LRIG3: variants seen among roughly 807,000 people sequenced by gnomAD.
LRIG3 encodes the protein leucine-rich repeats and immunoglobulin-like domains protein 3.
In LRIG3, 76 loss-of-function variants were observed where a neutral mutation model predicts 114.5. The ratio of observed to expected loss-of-function variants is 0.66; its 90% CI spans 0.55 to 0.80. The LOEUF (loss-of-function observed/expected upper bound fraction) is 0.80. Ranked by LOEUF, LRIG3 falls within the 30% of genes least tolerant of loss-of-function variation. LRIG3 has a pLI of 0.00. For missense variants in LRIG3, 1,239 were observed against 1,382.8 expected (o/e 0.90, Z 1.65); for synonymous variants, 512 against 519.8 (o/e 0.98, Z 0.20).
intron 3 of LRIG3, among the ~76,000 whole-genome samples, chr12:58,894,582 G>C (rs1161031879): frequency 6.6e-6 from 1 of 150,398 alleles, no homozygotes; most frequent in Non-Finnish European, 1.5e-5. Context: ...CCCACTTCTA[G>C]TAGACAGAGA....
chr12:58,920,391 C>A lies in LRIG3; in HGVS notation c.-156G>T, dbSNP rs1434126851. 6 of 494,796 alleles carry A rather than the reference C, an allele frequency of 1.2e-5. No individual in the cohort carries two copies. Among genetic ancestry groups the A allele is most frequent in the Non-Finnish European group, 2.0e-5 (6 of 305,896 alleles). 30.7% of individuals were successfully genotyped at this position (494,796 alleles called of 1,614,324 possible). Reference sequence around the variant, plus strand: ...GGTCAATTCCTTCTTTTACTCCCGGCGGCGAAGCCCTTTCATGCCCCCAAA... The same window carrying A: ...GGTCAATTCCTTCTTTTACTCCCGGAGGCGAAGCCCTTTCATGCCCCCAAA... On this transcript the variant is annotated 5_prime_UTR_variant, in exon 1 of 19. Transcript: ENST00000320743.
At chr12:58,885,118 T>C (rs1189955895) in intron 10 of LRIG3, among the ~76,000 whole-genome samples, 4 of 152,112 alleles carry the variant, frequency 2.6e-5, no homozygotes, top group Non-Finnish European at 5.9e-5. Flanking sequence ...CAAGAGCTAG[T>C]GTGATGCAGG....
intron 1 of LRIG3, among the ~76,000 whole-genome samples, chr12:58,914,872 A>G (rs1275088538): frequency 2.6e-5 from 4 of 152,382 alleles, no homozygotes; most frequent in African/African-American, 7.2e-5. Context: ...GAGAGGGTAG[A>G]AAACAATCTG....
At chr12:58,903,970 C>T (rs1275401565) in intron 3 of LRIG3, among the ~76,000 whole-genome samples, 1 of 152,016 alleles carries the variant, frequency 6.6e-6, no homozygotes, top group Non-Finnish European at 1.5e-5. Context: ...TGACTGTAGC[C>T]TTGTAGTATA....
chr12:58,914,006 G>T lies in LRIG3; in HGVS notation c.359C>A (p.Ser120Ter). 1 of 1,612,062 alleles carries T rather than the reference G, an allele frequency of 6.2e-7. No individual in the cohort carries two copies. Among genetic ancestry groups the T allele is most frequent in the Non-Finnish European group, 8.5e-7 (1 of 1,179,602 alleles). The change falls in exon 3 of 19, where the codon TCG (serine) becomes TAG (stop). Residue 120 changes from serine (S) to a stop codon, truncating the protein, a stop_gained. Coordinates refer to ENST00000320743, the MANE Select transcript of LRIG3 (RefSeq NM_153377.5). LOFTEE classifies it high-confidence loss of function. ...LETIPNLGPV[S>*]ANITLLSLAG... ...CAAGGAGAGAAGTGTAATATTTGCC[G>T]AGACTGGTCCCAGATTTGGAATGGT...
At chr12:58,885,281 A>G (rs146546214) in intron 10 of LRIG3, among the ~76,000 whole-genome samples, 1 of 152,298 alleles carries the variant, frequency 6.6e-6, no homozygotes, top group East Asian at 1.9e-4. Flanking sequence ...TAAGAGACCA[A>G]CAATTCTCAA....
chr12:58,882,270 C>T (rs754832602), intron 12 of LRIG3, among the ~76,000 whole-genome samples: 7 of 152,184 alleles, frequency 4.6e-5, no homozygotes, highest in Non-Finnish European at 7.4e-5. Flanking sequence ...CAGAAAGTTA[C>T]ACCAGAGATG....
Position 58,880,875 on chromosome 12 carries a change from C to A in LRIG3, c.1507G>T (p.Val503Phe). The change falls in exon 13 of 19, where the codon GTT (valine) becomes TTT (phenylalanine). Residue 503 changes from valine (V) to phenylalanine (F), a missense_variant. Physicochemically the swap from Val to Phe is conservative, Grantham distance 50 (BLOSUM62 -1). Coordinates refer to ENST00000320743, the MANE Select transcript of LRIG3 (RefSeq NM_153377.5). ...CDDFPKPQIT[V>F]QPETQSAIKG... Reference sequence around the variant, plus strand: ...ATTGCCGACTGTGTTTCTGGCTGAACCGTGATCTGGGGTTTGGGAAAATCA... The same window carrying A: ...ATTGCCGACTGTGTTTCTGGCTGAAACGTGATCTGGGGTTTGGGAAAATCA... 1 of 1,613,224 alleles carries A rather than the reference C, an allele frequency of 6.2e-7. No individual in the cohort carries two copies. The highest frequency in any genetic ancestry group is 8.5e-7 in the Non-Finnish European group (1 of 1,179,232).
At chr12:58,913,404 G>A (rs1872355502) in intron 3 of LRIG3, 1 of 152,108 alleles carries the variant, frequency 6.6e-6, no homozygotes, top group Non-Finnish European at 1.5e-5. Context: ...CAGAAAACTT[G>A]GTACAACCTT....
At chr12:58,896,775 T>C (rs1228167547) in intron 3 of LRIG3, among the ~76,000 whole-genome samples, 1 of 152,228 alleles carries the variant, frequency 6.6e-6, no homozygotes, top group African/African-American at 2.4e-5. Context: ...GAATCTGTGG[T>C]CATTCCATAC....
chr12:58,885,237 AGG>A (rs901654949), intron 10 of LRIG3, among the ~76,000 whole-genome samples: 1 of 152,124 alleles, frequency 6.6e-6, no homozygotes, highest in South Asian at 2.1e-4. Flanking sequence ...AACAATGGTA[AGG>A]GGGGGTTGTA....
chr12:58,919,816 T>C (rs1376677245), intron 1 of LRIG3, among the ~76,000 whole-genome samples, 184 bp downstream of exon 1: 4 of 152,194 alleles, frequency 2.6e-5, no homozygotes, highest in African/African-American at 9.6e-5. Context: ...GCAAAGCACG[T>C]GGGAGGGAAA....
At chr12:58,890,184 A>C in intron 4 of LRIG3, 45 bp from the exon 5 acceptor site, 1 of 1,601,696 alleles carries the variant, frequency 6.2e-7, no homozygotes, top group Non-Finnish European at 8.5e-7. Flanking sequence ...ATTTATTTGC[A>C]AGTTAAAGTG....
At chr12:58,912,707 A>C (rs921838870) in intron 3 of LRIG3, among the ~76,000 whole-genome samples, 3 of 152,194 alleles carry the variant, frequency 2.0e-5, no homozygotes, top group African/African-American at 7.2e-5. Context: ...GCCAATATGC[A>C]GTGCGAGGAC....
intron 3 of LRIG3, among the ~76,000 whole-genome samples, chr12:58,894,577 T>C (rs1323580680): frequency 6.6e-6 from 1 of 151,678 alleles, no homozygotes; most frequent in African/African-American, 2.4e-5. Context: ...AAATACCCAC[T>C]TCTAGTAGAC....
intron 10 of LRIG3, 67 bp from the exon 11 acceptor site, chr12:58,883,658 TG>T (rs1871186190): frequency 7.9e-7 from 1 of 1,259,212 alleles, no homozygotes; most frequent in Non-Finnish European, 1.1e-6. Context: ...GGACAAAGTT[TG>T]GGCCCCCACT....
At chr12:58,882,508 C>A (rs1871154559) in intron 12 of LRIG3, among the ~76,000 whole-genome samples, 2 of 152,264 alleles carry the variant, frequency 1.3e-5, no homozygotes, top group South Asian at 4.1e-4. Context: ...TCCCAACAAG[C>A]CTCAGAGTTG....
At chr12:58,901,864 G>A (rs572179976) in intron 3 of LRIG3, among the ~76,000 whole-genome samples, 11 of 152,288 alleles carry the variant, frequency 7.2e-5, no homozygotes, top group African/African-American at 2.6e-4. Context: ...ATGAGCTTTC[G>A]TTCTTAGAAG....
chr12:58,915,832 G>A (rs1290031307), intron 1 of LRIG3, among the ~76,000 whole-genome samples: 1 of 152,192 alleles, frequency 6.6e-6, no homozygotes, highest in African/African-American at 2.4e-5. Context: ...AACAAAACCT[G>A]TGTGCTTTTA....
Sources: allele counts gnomAD v4.1 joint callset (sites outside exome capture counted in the v4.1 genomes callset), GRCh38; gene constraint gnomAD v4.1.1; transcripts MANE v1.5; gene names NCBI Gene and HGNC (gene_info 2026-07-23, HGNC 2026-07-21).